YWHAG: variants seen among roughly 807,000 people sequenced by gnomAD.
YWHAG encodes tyrosine 3-monooxygenase/tryptophan 5-monooxygenase activation protein gamma.
Under a neutral mutation model 23.3 loss-of-function variants are expected in YWHAG, and 1 was observed. That is an observed-to-expected ratio of 0.04 (90% CI 0.02 to 0.20). The LOEUF (loss-of-function observed/expected upper bound fraction) is 0.20. YWHAG is among the 10% of genes least tolerant of loss of function. The pLI is 1.00. For synonymous variants in YWHAG, 160 were observed against 144.0 expected (o/e 1.11, Z -0.80); for missense variants, 151 against 338.6 (o/e 0.45, Z 4.35).
intron 1 of YWHAG, among the ~76,000 whole-genome samples, chr7:76,351,543 AG>A (rs1803872547): frequency 6.6e-6 from 1 of 152,236 alleles, no homozygotes; most frequent in East Asian, 1.9e-4. Context: ...GCTGCAGAGC[AG>A]GAAGTCTGTC....
At chr7:76,346,113 G>A (rs966325481) in intron 1 of YWHAG, among the ~76,000 whole-genome samples, 13 of 152,002 alleles carry the variant, frequency 8.6e-5, no homozygotes, top group African/African-American at 2.2e-4. Flanking sequence ...CTACACAGTC[G>A]TCACTGTCTT....
Position 76,349,949 on chromosome 7 carries a change from G to A in YWHAG, c.87+8773C>T, listed in dbSNP as rs565257524. Among the ~76,000 whole-genome samples, 4 of 152,240 alleles carry A rather than the reference G, an allele frequency of 2.6e-5. No homozygotes were observed. In the East Asian group the frequency reaches 7.7e-4, roughly 29 times the overall value. The stretch of plus-strand genomic sequence containing the variant: ...GGGGAGGTTGCAGTGAGTTGAGATT[G>A]CACCACTGTACCCCAGCCTGGGCAA... On this transcript the variant is annotated intron_variant, in intron 1 of 1. Transcript: ENST00000307630.
At chr7:76,355,935 C>T (rs1803948908) in intron 1 of YWHAG, among the ~76,000 whole-genome samples, 1 of 152,214 alleles carries the variant, frequency 6.6e-6, no homozygotes, top group African/African-American at 2.4e-5. Flanking sequence ...TCCTTCAATA[C>T]AAGACTAAAC....
intron 1 of YWHAG, among the ~76,000 whole-genome samples, chr7:76,357,573 G>T (rs1217179091): frequency 6.6e-6 from 1 of 152,110 alleles, no homozygotes; most frequent in East Asian, 1.9e-4. Flanking sequence ...ATACAGGGAT[G>T]AATCTGCAAC....
At chr7:76,331,953 C>T (rs1416300516) in intron 1 of YWHAG, among the ~76,000 whole-genome samples, 2 of 152,032 alleles carry the variant, frequency 1.3e-5, no homozygotes, top group Non-Finnish European at 2.9e-5. Flanking sequence ...AAAACATAAA[C>T]CAAATCATGC....
intron 1 of YWHAG, among the ~76,000 whole-genome samples, chr7:76,334,213 T>C (rs1803585283): frequency 6.6e-6 from 1 of 152,192 alleles, no homozygotes; most frequent in Non-Finnish European, 1.5e-5. Flanking sequence ...ATTACTTGCA[T>C]AAGAATCTGT....
chr7:76,344,117 AT>A (rs912513486), intron 1 of YWHAG, among the ~76,000 whole-genome samples: 11 of 148,934 alleles, frequency 7.4e-5, no homozygotes, highest in Admixed American at 1.3e-4. Flanking sequence ...ACAATTAGGA[AT>A]TTTTTTTTTT....
rs1803457542 is a variant in YWHAG, at chr7:76,327,244, A to G, written c.*2333T>C. On this transcript the variant is annotated 3_prime_UTR_variant, in exon 2 of 2. Coordinates refer to ENST00000307630, the MANE Select transcript of YWHAG (RefSeq NM_012479.4). ...AAATTAAAAAAAAAAAACCTTTAAA[A>G]AATTTGAAGACTTAATTTTTTTTGT... 6.6e-6 allele frequency: 1 copy of G among 152,180 alleles called. No homozygotes were observed. The highest frequency in any genetic ancestry group is 2.4e-5 in the African/African-American group (1 of 41,454). The allele number at this position is 152,180 out of a possible 1,614,324, so 9.4% of individuals were successfully genotyped here. A position where few individuals can be genotyped will look rare whatever the true frequency, so the allele number is the denominator to read the frequency against.
At chr7:76,341,574 C>T (rs927168170) in intron 1 of YWHAG, among the ~76,000 whole-genome samples, 11 of 152,210 alleles carry the variant, frequency 7.2e-5, no homozygotes, top group African/African-American at 2.2e-4. Context: ...ACAAATGATG[C>T]ACTGATAACA....
Position 76,334,464 on chromosome 7 carries a change from G to A in YWHAG, c.88-4231C>T, listed in dbSNP as rs1187993791. On this transcript the variant is annotated intron_variant, in intron 1 of 1. Coordinates refer to ENST00000307630, the MANE Select transcript of YWHAG (RefSeq NM_012479.4). ...TTAAACAGAGACAGGGTCTCACTCT[G>A]TTGCCCTGGCTGGAGTACAGTGGTG... Among the ~76,000 whole-genome samples, 3 of 152,182 alleles carry A rather than the reference G, an allele frequency of 2.0e-5. No individual in the cohort carries two copies. In the East Asian group the frequency reaches 5.8e-4, roughly 29 times the overall value.
At chr7:76,344,433 A>AT (rs1315080745) in intron 1 of YWHAG, among the ~76,000 whole-genome samples, 1 of 152,182 alleles carries the variant, frequency 6.6e-6, no homozygotes, top group African/African-American at 2.4e-5. Context: ...ACCTAACTCC[A>AT]TATCAGGAAG....
intron 1 of YWHAG, among the ~76,000 whole-genome samples, chr7:76,330,935 T>C (rs1012328602): frequency 1.3e-5 from 2 of 152,132 alleles, no homozygotes; most frequent in African/African-American, 4.8e-5. Flanking sequence ...CCCGCCCTCA[T>C]CACCCCCAAG....
Position 76,334,959 on chromosome 7 carries a change from A to G in YWHAG, c.88-4726T>C, listed in dbSNP as rs572227809. ...CTGTCATGGCTGTTGGAAAATGTAG[A>G]AAGTTTCAGTTTTTATTCCCCAGAG... On this transcript the variant is annotated intron_variant, in intron 1 of 1. Coordinates refer to ENST00000307630, the MANE Select transcript of YWHAG (RefSeq NM_012479.4). Among the ~76,000 whole-genome samples the G allele has an allele frequency of 8.5e-5, 13 of 152,332 alleles. No homozygotes were observed. In the East Asian group the frequency reaches 2.3e-3, roughly 27 times the overall value.
At chr7:76,344,695 C>T (rs990703137) in intron 1 of YWHAG, among the ~76,000 whole-genome samples, 2 of 152,152 alleles carry the variant, frequency 1.3e-5, no homozygotes, top group African/African-American at 4.8e-5. Context: ...CTACCACTTC[C>T]ATTATCCCAA....
intron 1 of YWHAG, among the ~76,000 whole-genome samples, chr7:76,338,425 G>C (rs995251345): frequency 1.3e-5 from 2 of 152,182 alleles, no homozygotes; most frequent in Non-Finnish European, 2.9e-5. Context: ...ACAGCGCCAA[G>C]TCCCACTCCA....
At chr7:76,347,462 G>A (rs1359398164) in intron 1 of YWHAG, among the ~76,000 whole-genome samples, 1 of 152,082 alleles carries the variant, frequency 6.6e-6, no homozygotes, top group African/African-American at 2.4e-5. Flanking sequence ...AGCTGGGCAT[G>A]GTGGCATGTG....
intron 1 of YWHAG, among the ~76,000 whole-genome samples, chr7:76,356,179 T>A (rs1803952836): frequency 6.6e-6 from 1 of 152,224 alleles, no homozygotes; most frequent in Non-Finnish European, 1.5e-5. Flanking sequence ...TTCTCTGCAG[T>A]TTCCAAATTC....
In YWHAG at chr7:76,358,767, G is replaced by T. The variant is rs1051511890; in HGVS notation, c.42C>A (p.Ala14=). 1 of 1,596,274 alleles carries T rather than the reference G, an allele frequency of 6.3e-7. No homozygotes were observed. Residue 14 remains alanine (A), a synonymous_variant, in exon 1 of 2, where the codon GCC becomes GCA. Coordinates refer to ENST00000307630, the MANE Select transcript of YWHAG (RefSeq NM_012479.4). ...TGTCGTCGTAGCGCTCCGCCTGCTC[G>T]GCCAGCCGGGCTTTCTGCACCAGTT... ...REQLVQKARL[A]EQAERYDDMA... is the part of the protein sequence containing the mutation.
At chr7:76,356,123 T>C (rs1218432789) in intron 1 of YWHAG, among the ~76,000 whole-genome samples, 2 of 152,262 alleles carry the variant, frequency 1.3e-5, no homozygotes, top group Non-Finnish European at 2.9e-5. Flanking sequence ...AACAGGATGA[T>C]TTCGGCCTTA....
Sources: allele counts gnomAD v4.1 joint callset (sites outside exome capture counted in the v4.1 genomes callset), GRCh38; gene constraint gnomAD v4.1.1; transcripts MANE v1.5; gene names NCBI Gene and HGNC (gene_info 2026-07-23, HGNC 2026-07-21).